PRAG1: variants seen among roughly 807,000 people sequenced by gnomAD.
PRAG1 encodes the protein PEAK1 related, kinase-activating pseudokinase 1, also known as inactive tyrosine-protein kinase PRAG1.
A neutral mutation model predicts 95.6 loss-of-function variants in PRAG1; 110 were observed. The ratio of observed to expected loss-of-function variants is 1.15; its 90% CI spans 0.99 to 1.35. PRAG1 has a LOEUF of 1.35. Among genes scored for constraint, PRAG1 ranks in the 40% most tolerant of loss-of-function variants. The pLI is 0.00. For missense variants in PRAG1, 2,554 were observed against 1,864.7 expected, an observed-to-expected ratio of 1.37 and a Z score of -6.81; for synonymous variants, 1,052 against 819.4, an observed-to-expected ratio of 1.28 and a Z score of -4.85.
chr8:8,346,676 T>C (rs538142266), intron 3 of PRAG1, among the ~76,000 whole-genome samples: 1 of 152,354 alleles, frequency 6.6e-6, no homozygotes, highest in East Asian at 1.9e-4. Flanking sequence ...GCTTTCAGAA[T>C]GCCCACAATC....
At chr8:8,364,058 T>C (rs1252674064) in intron 3 of PRAG1, among the ~76,000 whole-genome samples, 1 of 152,184 alleles carries the variant, frequency 6.6e-6, no homozygotes, top group Non-Finnish European at 1.5e-5. Flanking sequence ...CAAACTTCCT[T>C]GTTTATGTCC....
chr8:8,324,078 C>T (rs913701911), intron 5 of PRAG1, among the ~76,000 whole-genome samples: 7 of 152,202 alleles, frequency 4.6e-5, no homozygotes, highest in African/African-American at 1.7e-4. Flanking sequence ...CAGCGCCAGG[C>T]CCAGCCCAGG....
chr8:8,356,121 A>ACTGT (rs1162918246), intron 3 of PRAG1, among the ~76,000 whole-genome samples: 1 of 152,222 alleles, frequency 6.6e-6, no homozygotes, highest in East Asian at 1.9e-4. Flanking sequence ...AAAGGATCTG[A>ACTGT]ACAGACATTT....
intron 1 of PRAG1, among the ~76,000 whole-genome samples, chr8:8,383,954 G>A (rs1800765976): frequency 6.6e-6 from 1 of 152,192 alleles, no homozygotes; most frequent in African/African-American, 2.4e-5. Flanking sequence ...GGACGCTGAT[G>A]GGTGAAGACT....
rs749062047 is a variant in PRAG1 at position 8,376,738 on chromosome 8, C to G, written c.1671G>C (p.Pro557=). 11 of 1,609,718 alleles carry G rather than the reference C, an allele frequency of 6.8e-6. No individual in the cohort carries two copies. Among genetic ancestry groups the G allele is most frequent in the Middle Eastern group, 1.6e-4 (1 of 6,084 alleles). The change falls in exon 3 of 6, where the codon CCG becomes CCC. Residue 557 remains proline (P), a synonymous_variant. Transcript: ENST00000615670. ...KLSKSSPVGS[P]VSPSAGGPPV... is the part of the protein sequence containing the mutation. Reference sequence around the variant, plus strand: ...GGGGCCCTCCAGCAGACGGTGACACCGGGGACCCTACAGGGCTACTCTTGG... The same window carrying G: ...GGGGCCCTCCAGCAGACGGTGACACGGGGGACCCTACAGGGCTACTCTTGG...
intron 5 of PRAG1, among the ~76,000 whole-genome samples, chr8:8,320,146 A>G (rs1401401639): frequency 6.6e-6 from 1 of 152,192 alleles, no homozygotes; most frequent in Admixed American, 6.5e-5. Flanking sequence ...TGTGCACAGT[A>G]TGGACAAATT....
At chr8:8,367,313 C>A (rs1800040491) in intron 3 of PRAG1, among the ~76,000 whole-genome samples, 1 of 151,572 alleles carries the variant, frequency 6.6e-6, no homozygotes, top group Non-Finnish European at 1.5e-5. Context: ...CAAAAATCAG[C>A]CAGGCATGGT....
chr8:8,361,408 C>T (rs572864211), intron 3 of PRAG1, among the ~76,000 whole-genome samples: 15 of 152,128 alleles, frequency 9.9e-5, no homozygotes, highest in East Asian at 3.9e-4. Flanking sequence ...GGATCGGGTC[C>T]GGAAGGGGGT....
intron 2 of PRAG1, among the ~76,000 whole-genome samples, chr8:8,380,951 A>C (rs1184792997): frequency 6.6e-6 from 1 of 151,060 alleles, no homozygotes; most frequent in Admixed American, 6.6e-5. Flanking sequence ...TATTGAAATG[A>C]TGTGATATCT....
At position 8,362,422 on chromosome 8, in the gene PRAG1, GT is replaced by G. The variant is rs1799872720; in HGVS notation, c.2162+13824del. Among the ~76,000 whole-genome samples the G allele has an allele frequency of 2.0e-5, 3 of 152,274 alleles. No individual in the cohort carries two copies. The South Asian group carries it at 6.2e-4, about 32-fold the overall frequency. On this transcript the variant is annotated intron_variant, in intron 3 of 5. Transcript: ENST00000615670. Reference sequence around the variant, plus strand: ...TTGGTCTGTGCACAGAGTTTACCTGGTTGCCACAGCAGTGCAAGCCTGTCCA... The same window carrying G: ...TTGGTCTGTGCACAGAGTTTACCTGGTGCCACAGCAGTGCAAGCCTGTCCA...
intron 3 of PRAG1, among the ~76,000 whole-genome samples, chr8:8,371,234 G>A (rs1358921938): frequency 1.3e-5 from 2 of 151,854 alleles, no homozygotes; most frequent in African/African-American, 4.8e-5. Context: ...GCAAGTTGTG[G>A]GTTAAAATTG....
chr8:8,349,254 T>TTATC lies in PRAG1; in HGVS notation c.2163-9623_2163-9620dup, dbSNP rs1195815508. ...ACTAAGCTAGGGAGGTTTCTATTAT[T>TTATC]TATCTATCTATCTATTTATTTATTT... On this transcript the variant is annotated intron_variant, in intron 3 of 5. Transcript: ENST00000615670. Among the ~76,000 whole-genome samples the TTATC allele has an allele frequency of 9.2e-4, 133 of 145,350 alleles. 1 individual carries two copies. The highest frequency in any genetic ancestry group is 1.5e-3 in the African/African-American group (56 of 37,568).
At chr8:8,335,099 G>A (rs955001489) in intron 4 of PRAG1, among the ~76,000 whole-genome samples, 2 of 151,870 alleles carry the variant, frequency 1.3e-5, no homozygotes, top group African/African-American at 2.4e-5. Context: ...ATGCTGTGAT[G>A]GAAAAGTAAA....
intron 3 of PRAG1, among the ~76,000 whole-genome samples, chr8:8,365,672 G>A (rs1799977990): frequency 6.6e-6 from 1 of 150,918 alleles, no homozygotes; most frequent in Admixed American, 6.6e-5. Flanking sequence ...AAGAGAATAA[G>A]GCTAAGTGGG....
chr8:8,369,196 T>G (rs917878149), intron 3 of PRAG1, among the ~76,000 whole-genome samples: 1 of 152,118 alleles, frequency 6.6e-6, no homozygotes, highest in Admixed American at 6.5e-5. Context: ...CTTGCTTTTT[T>G]TTTTTTTTAA....
At chr8:8,379,728 C>T (rs1324962982) in intron 2 of PRAG1, among the ~76,000 whole-genome samples, 3 of 152,194 alleles carry the variant, frequency 2.0e-5, no homozygotes, top group East Asian at 1.9e-4. Flanking sequence ...AGCCACATAG[C>T]TTCCTAAATG....
chr8:8,349,802 T>A (rs1161039988), intron 3 of PRAG1, among the ~76,000 whole-genome samples: 1 of 152,162 alleles, frequency 6.6e-6, no homozygotes, highest in Non-Finnish European at 1.5e-5. Flanking sequence ...TTAATTTGCA[T>A]TTTCAGTTAA....
chr8:8,371,725 G>A (rs1043210303), intron 3 of PRAG1, among the ~76,000 whole-genome samples: 16 of 152,012 alleles, frequency 1.1e-4, no homozygotes, highest in Admixed American at 2.6e-4. Context: ...AAAAATTAGC[G>A]GGGGCATGGT....
Position 8,378,030 on chromosome 8 carries a change from C to A in PRAG1, c.379G>T (p.Asp127Tyr). The change falls in exon 3 of 6, where the codon GAT (aspartate) becomes TAT (tyrosine). Residue 127 changes from aspartate (D) to tyrosine (Y), a missense_variant. Asp to Tyr is a radical substitution (Grantham distance 160). Transcript: ENST00000615670. ...CTGCCCAGGTAGACGACGGGGGCAT[C>A]CTCCTGCTTCGGGAGGGGGAGCTTG... ...PGKLPLPKQE[D>Y]APVVYLGSFR... 3 of 1,568,340 alleles carry A rather than the reference C, an allele frequency of 1.9e-6. No individual in the cohort carries two copies. Among genetic ancestry groups the A allele is most frequent in the Non-Finnish European group, 2.6e-6 (3 of 1,156,072 alleles).
Sources: gnomAD v4.1 joint callset for allele counts (sites outside exome capture counted in the v4.1 genomes callset) on GRCh38, gnomAD v4.1.1 for gene constraint, MANE v1.5 for transcripts, NCBI Gene and HGNC (gene_info 2026-07-23, HGNC 2026-07-21) for gene names.